PAQR5: variants seen among roughly 807,000 people sequenced by gnomAD.
PAQR5 encodes the protein progestin and adipoQ receptor family member 5.
A neutral mutation model predicts 34.5 loss-of-function variants in PAQR5; 20 were observed. That is an observed-to-expected ratio of 0.58 (90% CI 0.41 to 0.84). The LOEUF is 0.84. PAQR5 is among the 40% of genes least tolerant of loss of function. The pLI is 0.00. For synonymous variants in PAQR5, 131 were observed against 155.6 expected (o/e 0.84, Z 1.18); for missense variants, 378 against 412.7 (o/e 0.92, Z 0.73).
Position 69,379,999 on chromosome 15 carries a change from G to C in PAQR5, c.168G>C (p.Leu56Phe), listed in dbSNP as rs1567030863. Residue 56 changes from leucine (L) to phenylalanine (F), a missense_variant, in exon 4 of 9, where the codon TTG (leucine) becomes TTC (phenylalanine). Transcript: ENST00000395407. ...AGACTCTCAACATTTGGACTCACTT[G>C]CTGCCCTTCTGGTACCTTCTGGCCC... ...TNETLNIWTH[L>F]LPFWFFAWRF... 1.9e-6 allele frequency: 3 copies of C among 1,614,046 alleles called. No homozygotes were observed. The Admixed American group carries it at 5.0e-5, about 27-fold the overall frequency.
At chr15:69,382,505 C>T (rs575745810) in intron 4 of PAQR5, among the ~76,000 whole-genome samples, 3 of 151,204 alleles carry the variant, frequency 2.0e-5, no homozygotes, top group Admixed American at 6.6e-5. Flanking sequence ...GTTAGCCAGG[C>T]GTGGTGGAGG....
At chr15:69,375,195 A>G (rs939809549) in intron 3 of PAQR5, among the ~76,000 whole-genome samples, 2 of 152,204 alleles carry the variant, frequency 1.3e-5, no homozygotes, top group East Asian at 3.8e-4. Flanking sequence ...GGACAGGGGC[A>G]GTTTCCTCCA....
intron 6 of PAQR5, among the ~76,000 whole-genome samples, chr15:69,393,996 T>A (rs1162452002): frequency 6.6e-6 from 1 of 152,122 alleles, no homozygotes; most frequent in Non-Finnish European, 1.5e-5. Context: ...TGCTCATGCC[T>A]GCACAGGAAA....
chr15:69,302,569 G>A (rs1478282898), intron 1 of PAQR5, among the ~76,000 whole-genome samples: 1 of 152,202 alleles, frequency 6.6e-6, no homozygotes, highest in African/African-American at 2.4e-5. Context: ...CCCTGAGGAT[G>A]CTGCCCACCT....
chr15:69,309,209 G>A (rs1263927629), intron 1 of PAQR5, among the ~76,000 whole-genome samples: 1 of 152,136 alleles, frequency 6.6e-6, no homozygotes, highest in African/African-American at 2.4e-5. Flanking sequence ...GGAGGGCCTG[G>A]CAGGAAGCAG....
At chr15:69,366,360 G>C (rs1280079349) in intron 3 of PAQR5, among the ~76,000 whole-genome samples, 2 of 152,172 alleles carry the variant, frequency 1.3e-5, no homozygotes, top group Non-Finnish European at 2.9e-5. Flanking sequence ...ATTAGTTGAT[G>C]AACAGGTGAG....
chr15:69,315,550 C>G (rs1017861709), intron 1 of PAQR5, among the ~76,000 whole-genome samples: 1 of 152,032 alleles, frequency 6.6e-6, no homozygotes, highest in East Asian at 1.9e-4. Flanking sequence ...TCTTACCCAG[C>G]CTTACCTTCT....
At position 69,392,897 on chromosome 15, in the gene PAQR5, C is replaced by T. The variant is rs971668599; in HGVS notation, c.512+3117C>T. Among the ~76,000 whole-genome samples the T allele has an allele frequency of 4.6e-5, 7 of 152,122 alleles. No individual in the cohort carries two copies. The East Asian group carries it at 1.4e-3, about 29-fold the overall frequency. On this transcript the variant is annotated intron_variant, in intron 6 of 8. Transcript: ENST00000395407. ...CAAGGTGTGTTAGAGCTGCCAGAGT[C>T]TGCAAGAGTAGATGGAGGAGAGCAG...
intron 1 of PAQR5, among the ~76,000 whole-genome samples, chr15:69,320,975 T>C (rs937760975): frequency 6.6e-6 from 1 of 152,258 alleles, no homozygotes; most frequent in Non-Finnish European, 1.5e-5. Flanking sequence ...CAAGGCCTTT[T>C]GGCTTTTTTT....
chr15:69,315,913 C>T (rs1175276919), intron 1 of PAQR5, among the ~76,000 whole-genome samples: 4 of 152,064 alleles, frequency 2.6e-5, no homozygotes, highest in South Asian at 2.1e-4. Context: ...GGGCTCGGGG[C>T]AGTCCTTGGG....
chr15:69,333,192 C>G (rs925112679), intron 1 of PAQR5, among the ~76,000 whole-genome samples: 1 of 151,896 alleles, frequency 6.6e-6, no homozygotes, highest in African/African-American at 2.4e-5. Context: ...CTTCTGGTAG[C>G]CTGGGACTCC....
At chr15:69,401,575 G>C (rs2140271944) in intron 8 of PAQR5, among the ~76,000 whole-genome samples, 1 of 152,248 alleles carries the variant, frequency 6.6e-6, no homozygotes. Context: ...AAATGGCCCT[G>C]GGCCTTCTTT....
intron 1 of PAQR5, among the ~76,000 whole-genome samples, chr15:69,307,600 T>G (rs759018782): frequency 2.6e-5 from 4 of 151,972 alleles, no homozygotes; most frequent in Non-Finnish European, 4.4e-5. Context: ...GCACCTTTCA[T>G]CCCCCACAAG....
chr15:69,403,442 T>C, intron 8 of PAQR5, 139 bp from the exon 9 acceptor site: 1 of 761,132 alleles, frequency 1.3e-6, no homozygotes, highest in Non-Finnish European at 2.1e-6. Context: ...GATTTGCATA[T>C]TCTGGAGATT....
At chr15:69,326,832 C>CT (rs61250685) in intron 1 of PAQR5, among the ~76,000 whole-genome samples, 1 of 150,532 alleles carries the variant, frequency 6.6e-6, no homozygotes, top group Non-Finnish European at 1.5e-5. Context: ...TCCCCACCCC[C>CT]GTTATTAACA....
chr15:69,362,902 C>G (rs2055278423), intron 3 of PAQR5, among the ~76,000 whole-genome samples: 2 of 152,246 alleles, frequency 1.3e-5, no homozygotes, highest in Admixed American at 1.3e-4. Context: ...ATCCACAGAC[C>G]CTCTTCTCTT....
intron 1 of PAQR5, among the ~76,000 whole-genome samples, chr15:69,325,970 G>T (rs1246393570): frequency 6.6e-6 from 1 of 152,098 alleles, no homozygotes; most frequent in Admixed American, 6.6e-5. Flanking sequence ...ATTCCCTGGG[G>T]CTTTGAAAGC....
chr15:69,354,290 G>T (rs1237145328), intron 2 of PAQR5, among the ~76,000 whole-genome samples: 3 of 152,156 alleles, frequency 2.0e-5, no homozygotes, highest in African/African-American at 7.2e-5. Flanking sequence ...GACTGTAATT[G>T]TCATGAGTAT....
rs142233118 is a variant in PAQR5, at chr15:69,353,229, C to A, written c.-115-6737C>A. On this transcript the variant is annotated intron_variant, in intron 2 of 8. Transcript: ENST00000395407. ...ATTACCTGGGGCGATCAGCCAGCTA[C>A]CTGGTGGCAAGTTGCTTACACTGGA... 5.6e-4 allele frequency among the ~76,000 whole-genome samples: 86 copies of A among 152,296 alleles called. 1 individual carries two copies. The highest frequency in any genetic ancestry group is 3.7e-3 in the Admixed American group (57 of 15,300).
Sources: allele counts gnomAD v4.1 joint callset (sites outside exome capture counted in the v4.1 genomes callset), GRCh38; gene constraint gnomAD v4.1.1; transcripts MANE v1.5; gene names NCBI Gene and HGNC (gene_info 2026-07-23, HGNC 2026-07-21).